Variants in COL13A1 observed in about 807,000 individuals in gnomAD.
COL13A1 encodes the protein collagen type XIII alpha 1 chain.
A neutral mutation model predicts 130.9 loss-of-function variants in COL13A1; 89 were observed. That is an observed-to-expected ratio of 0.68 (90% confidence interval 0.57 to 0.81). COL13A1 has a LOEUF of 0.81. Among genes scored for constraint, COL13A1 ranks in the 30% least tolerant of loss-of-function variants. The pLI is 0.00. For synonymous variants in COL13A1, 402 were observed against 341.6 expected (o/e 1.18, Z -1.95); for missense variants, 879 against 934.6 (o/e 0.94, Z 0.78).
chr10:69,815,492 G>A (rs996510336), intron 1 of COL13A1, among the ~76,000 whole-genome samples: 2 of 152,160 alleles, frequency 1.3e-5, no homozygotes, highest in African/African-American at 4.8e-5. Flanking sequence ...GTAGCTGAGG[G>A]TCCACCCTAG....
intron 36 of COL13A1, among the ~76,000 whole-genome samples, chr10:69,945,463 C>T (rs1400911094): frequency 6.6e-6 from 1 of 152,164 alleles, no homozygotes; most frequent in Non-Finnish European, 1.5e-5. Context: ...ATAGGCTCTG[C>T]TGGAGGGAGA....
At chr10:69,928,770 T>A (rs1395416722) in intron 27 of COL13A1, among the ~76,000 whole-genome samples, 167 bp from the exon 28 acceptor site, 1 of 152,224 alleles carries the variant, frequency 6.6e-6, no homozygotes, top group Non-Finnish European at 1.5e-5. Flanking sequence ...TGTTTTGCAT[T>A]TTGGGTTCCC....
At chr10:69,867,681 G>T (rs946968701) in intron 2 of COL13A1, 117 bp from the exon 3 acceptor site, 1 of 660,412 alleles carries the variant, frequency 1.5e-6, no homozygotes, top group South Asian at 1.7e-5. Flanking sequence ...GACAAACTTC[G>T]AAGACCAGAT....
chr10:69,829,403 C>T (rs1040205767), intron 2 of COL13A1: 1 of 382,068 alleles, frequency 2.6e-6, no homozygotes, highest in Non-Finnish European at 3.6e-6. Context: ...TGACCCCCCT[C>T]GCCATGATCC....
chr10:69,861,421 T>A (rs1037346382), intron 2 of COL13A1, among the ~76,000 whole-genome samples: 5 of 152,132 alleles, frequency 3.3e-5, no homozygotes, highest in Non-Finnish European at 7.4e-5. Context: ...GTCCCTTCCT[T>A]GCTCGTACAT....
intron 17 of COL13A1, among the ~76,000 whole-genome samples, chr10:69,909,783 T>C (rs1230741781): frequency 6.6e-6 from 1 of 152,222 alleles, no homozygotes; most frequent in Non-Finnish European, 1.5e-5. Context: ...AATCTTGAGA[T>C]GAAGTGATTT....
chr10:69,948,754 G>T (rs774819885), intron 38 of COL13A1, among the ~76,000 whole-genome samples: 3 of 152,106 alleles, frequency 2.0e-5, no homozygotes, highest in Non-Finnish European at 4.4e-5. Context: ...CTGCAAAATC[G>T]GTCCTTCAAG....
chr10:69,901,560 G>A (rs553467629), intron 14 of COL13A1, among the ~76,000 whole-genome samples: 7 of 152,260 alleles, frequency 4.6e-5, no homozygotes, highest in Admixed American at 1.3e-4. Flanking sequence ...AACTCCAGCC[G>A]CCTGCATCCC....
At chr10:69,821,656 A>T (rs932370613) in intron 1 of COL13A1, among the ~76,000 whole-genome samples, 1 of 152,212 alleles carries the variant, frequency 6.6e-6, no homozygotes. Flanking sequence ...AGAATCAAGT[A>T]AGAGTCCTTA....
At chr10:69,820,511 G>A (rs1845791331) in intron 1 of COL13A1, among the ~76,000 whole-genome samples, 2 of 152,232 alleles carry the variant, frequency 1.3e-5, no homozygotes, top group African/African-American at 4.8e-5. Flanking sequence ...GTCCCTTACA[G>A]GAAAGCAGCA....
At position 69,838,106 on chromosome 10, in the gene COL13A1, G is replaced by A. The variant is rs8181405; in HGVS notation, c.364+15668G>A. On this transcript the variant is annotated intron_variant, in intron 2 of 40. Coordinates refer to ENST00000645393, the MANE Select transcript of COL13A1 (RefSeq NM_001368882.1). The stretch of plus-strand genomic sequence containing the variant: ...GTGCCTTGGGCAGGGCAAGGTCTGC[G>A]CCTGCTCCAAGGCATCCAGGCAGCC... 5.1e-4 allele frequency among the ~76,000 whole-genome samples: 77 copies of A among 152,308 alleles called. No homozygotes were observed. In the East Asian group the frequency reaches 9.7e-3, roughly 19 times the overall value.
chr10:69,823,768 AG>A (rs1470102662), intron 2 of COL13A1, among the ~76,000 whole-genome samples: 2 of 152,148 alleles, frequency 1.3e-5, no homozygotes, highest in Non-Finnish European at 2.9e-5. Context: ...GTTAATTAAA[AG>A]GGTGTCCAGA....
intron 38 of COL13A1, among the ~76,000 whole-genome samples, chr10:69,952,486 GA>G (rs376813440): frequency 0.015 from 2,271 of 151,614 alleles, 34 homozygotes; most frequent in South Asian, 0.069. Flanking sequence ...ATTAATTGGG[GA>G]AAAAAAAAGT....
At chr10:69,822,267 G>A (rs1564758638) in intron 1 of COL13A1, 102 bp from the exon 2 acceptor site, 11 of 807,248 alleles carry the variant, frequency 1.4e-5, no homozygotes, top group South Asian at 1.1e-4. Flanking sequence ...GAGTTCTGCC[G>A]GTTTCCCCCT....
chr10:69,916,016 A>C (rs2063879977), intron 17 of COL13A1, among the ~76,000 whole-genome samples: 1 of 152,176 alleles, frequency 6.6e-6, no homozygotes, highest in Non-Finnish European at 1.5e-5. Context: ...GGGTCTCGCT[A>C]TCCAGCCTGT....
intron 2 of COL13A1, among the ~76,000 whole-genome samples, chr10:69,823,579 C>G (rs1476420734): frequency 6.6e-6 from 1 of 152,176 alleles, no homozygotes; most frequent in Non-Finnish European, 1.5e-5. Flanking sequence ...TAACACTCAC[C>G]CAGGTCCCCA....
At chr10:69,946,972 T>C (rs1376289613) in intron 37 of COL13A1, among the ~76,000 whole-genome samples, 1 of 152,098 alleles carries the variant, frequency 6.6e-6, no homozygotes, top group Non-Finnish European at 1.5e-5. Flanking sequence ...GTATTTTTCA[T>C]AGAGACGGGC....
intron 28 of COL13A1, 123 bp from the exon 29 acceptor site, chr10:69,929,920 G>C: frequency 1.2e-6 from 1 of 806,146 alleles, no homozygotes; most frequent in Non-Finnish European, 2.1e-6. Flanking sequence ...AACACAGTTA[G>C]AATTAAATGA....
At chr10:69,904,883 C>T (rs1485545351) in intron 15 of COL13A1, 50 bp from the exon 16 acceptor site, 2 of 1,536,298 alleles carry the variant, frequency 1.3e-6, no homozygotes, top group Admixed American at 2.0e-5. Context: ...CCCCAACCAG[C>T]TCTACTCACC....
Sources: allele counts gnomAD v4.1 joint callset (sites outside exome capture counted in the v4.1 genomes callset), GRCh38; gene constraint gnomAD v4.1.1; transcripts MANE v1.5; gene names NCBI Gene and HGNC (gene_info 2026-07-23, HGNC 2026-07-21).